The following CAGE1 variants were observed in gnomAD, a reference collection of about 807,000 sequenced individuals.
CAGE1 encodes the protein cancer-associated gene 1 protein.
Under a neutral mutation model 94.9 loss-of-function variants are expected in CAGE1, and 66 were observed. That is an observed-to-expected ratio of 0.70 (90% CI 0.57 to 0.85). The LOEUF (loss-of-function observed/expected upper bound fraction) is 0.85. CAGE1 is among the 40% of genes least tolerant of loss of function. CAGE1 has a pLI of 0.00. For missense variants in CAGE1, 865 were observed against 950.4 expected, an observed-to-expected ratio of 0.91 and a Z score of 1.18; for synonymous variants, 319 against 321.0, an observed-to-expected ratio of 0.99 and a Z score of 0.07.
intron 3 of CAGE1, among the ~76,000 whole-genome samples, chr6:7,384,421 TATTAA>T (rs1399654654): frequency 6.6e-6 from 1 of 152,214 alleles, no homozygotes; most frequent in Non-Finnish European, 1.5e-5. Flanking sequence ...TATTTGCAAG[TATTAA>T]AAATAAAGAC....
At chr6:7,361,098 G>A (rs908535142) in intron 9 of CAGE1, among the ~76,000 whole-genome samples, 5 of 152,144 alleles carry the variant, frequency 3.3e-5, no homozygotes, top group Non-Finnish European at 7.3e-5. Context: ...TAGCTAGAAC[G>A]AAATGGAAAT....
At chr6:7,374,278 A>G in intron 4 of CAGE1, 147 bp from the exon 5 acceptor site, 1 of 647,376 alleles carries the variant, frequency 1.5e-6, no homozygotes, top group Non-Finnish European at 2.6e-6. Flanking sequence ...ACTTCCAATA[A>G]TAATGCCTAT....
At chr6:7,330,038 G>A (rs1758692412) in intron 12 of CAGE1, 150 bp from the exon 13 acceptor site, 1 of 564,968 alleles carries the variant, frequency 1.8e-6, no homozygotes. Flanking sequence ...GACCCTCAGA[G>A]ATTAAGATCA....
At chr6:7,340,880 A>C in intron 11 of CAGE1, 1 of 427,456 alleles carries the variant, frequency 2.3e-6, no homozygotes, top group Non-Finnish European at 4.6e-6. Context: ...GAACTGATGT[A>C]TGGCCAATTT....
At chr6:7,332,372 C>G (rs1445244081) in intron 12 of CAGE1, among the ~76,000 whole-genome samples, 1 of 152,198 alleles carries the variant, frequency 6.6e-6, no homozygotes, top group Non-Finnish European at 1.5e-5. Flanking sequence ...ACTCGATACT[C>G]TATCAGCCCC....
chr6:7,355,947 T>A, intron 10 of CAGE1, 78 bp downstream of exon 10: 3 of 770,540 alleles, frequency 3.9e-6, no homozygotes, highest in South Asian at 3.2e-5. Context: ...GAGGCTGTAG[T>A]TAGCACTGCA....
chr6:7,345,767 CA>C (rs372068849), intron 11 of CAGE1, among the ~76,000 whole-genome samples: 1 of 151,438 alleles, frequency 6.6e-6, no homozygotes, highest in Non-Finnish European at 1.5e-5. Context: ...ACTAAAAATA[CA>C]AAAAAAATTA....
At chr6:7,338,916 GT>G (rs34165095) in intron 11 of CAGE1, 726,447 of 1,589,266 alleles carry the variant, frequency 0.46, 173,913 homozygotes, top group African/African-American at 0.85. Flanking sequence ...GTGGTGGGCA[GT>G]TATCTCATCT....
intron 11 of CAGE1, chr6:7,347,522 G>T (rs1230194357): frequency 2.1e-5 from 3 of 142,870 alleles, no homozygotes; most frequent in Non-Finnish European, 4.6e-5. Flanking sequence ...GGGTTGGGGG[G>T]GGCGGTGGGG....
chr6:7,354,710 A>G (rs921125321), intron 11 of CAGE1, among the ~76,000 whole-genome samples: 28 of 152,190 alleles, frequency 1.8e-4, no homozygotes, highest in African/African-American at 6.5e-4. Context: ...TGCATTCAAT[A>G]TCTTTTTGTG....
chr6:7,368,721 G>A lies in CAGE1; in HGVS notation c.1971C>T (p.Ser657=). The change falls in exon 7 of 14, where the codon AGC becomes AGT. Residue 657 remains serine (S), a synonymous_variant. Transcript: ENST00000502583. The part of the protein sequence containing the change: ...VSDIMLQKLK[S]LHLKKKTLDK... Reference sequence around the variant, plus strand: ...CTAAAGTTTTCTTTTTAAGATGGAGGCTCTTCAGTTTTTGCAGCATTATAT... The same window carrying A: ...CTAAAGTTTTCTTTTTAAGATGGAGACTCTTCAGTTTTTGCAGCATTATAT... 6.5e-7 allele frequency: 1 copy of A among 1,544,120 alleles called. No homozygotes were observed. Among genetic ancestry groups the A allele is most frequent in the Non-Finnish European group, 8.8e-7 (1 of 1,142,738 alleles).
At chr6:7,354,929 T>C (rs1759898622) in intron 11 of CAGE1, 112 bp downstream of exon 11, 1 of 739,790 alleles carries the variant, frequency 1.4e-6, no homozygotes, top group Admixed American at 2.7e-5. Flanking sequence ...ACTTAATTAA[T>C]AAAACTGCAC....
At chr6:7,337,121 G>A (rs1000307049) in intron 11 of CAGE1, among the ~76,000 whole-genome samples, 4 of 151,976 alleles carry the variant, frequency 2.6e-5, no homozygotes, top group African/African-American at 9.7e-5. Flanking sequence ...AGGAGTTCAA[G>A]ACCAGCCTGG....
intron 11 of CAGE1, among the ~76,000 whole-genome samples, chr6:7,335,363 A>T (rs1758918695): frequency 6.6e-6 from 1 of 152,188 alleles, no homozygotes. Flanking sequence ...ACCTGAGAGG[A>T]TATGAAATTC....
At chr6:7,348,740 G>A (rs545675680) in intron 11 of CAGE1, among the ~76,000 whole-genome samples, 2 of 152,152 alleles carry the variant, frequency 1.3e-5, no homozygotes, top group East Asian at 3.9e-4. Flanking sequence ...AGGAAACATT[G>A]GACACACTTA....
chr6:7,343,678 G>A (rs1311643526), intron 11 of CAGE1, among the ~76,000 whole-genome samples: 4 of 152,178 alleles, frequency 2.6e-5, no homozygotes, highest in African/African-American at 9.7e-5. Context: ...ATAAGTTAAT[G>A]CAGATTTTGA....
intron 11 of CAGE1, among the ~76,000 whole-genome samples, chr6:7,346,004 C>T (rs529714253): frequency 6.6e-6 from 1 of 152,136 alleles, no homozygotes; most frequent in Non-Finnish European, 1.5e-5. Context: ...TTAGCAGAAT[C>T]AATAGACTAG....
At chr6:7,374,186 T>G in intron 4 of CAGE1, 55 bp from the exon 5 acceptor site, 3 of 1,428,798 alleles carry the variant, frequency 2.1e-6, no homozygotes, top group Non-Finnish European at 2.9e-6. Flanking sequence ...TAATGAGCTT[T>G]CAAGTCAAAT....
intron 2 of CAGE1, among the ~76,000 whole-genome samples, chr6:7,386,409 G>A (rs561931284): frequency 6.6e-6 from 1 of 152,254 alleles, no homozygotes; most frequent in South Asian, 2.1e-4. Flanking sequence ...ATGAAGACAG[G>A]AAAGTTGTCA....
Sources: gnomAD v4.1 joint callset for allele counts (sites outside exome capture counted in the v4.1 genomes callset) on GRCh38, gnomAD v4.1.1 for gene constraint, MANE v1.5 for transcripts, NCBI Gene and HGNC (gene_info 2026-07-23, HGNC 2026-07-21) for gene names.